The following MITF variants were observed in gnomAD, a reference collection of about 807,000 sequenced individuals.
MITF encodes microphthalmia-associated transcription factor.
MITF carries 17 observed loss-of-function variants against 60.5 expected under a neutral mutation model. The observed-to-expected ratio is 0.28, with a 90% CI of 0.19 to 0.42. The LOEUF is 0.42. Among genes scored for constraint, MITF ranks in the 10% least tolerant of loss-of-function variants. The pLI is 1.00. For synonymous variants in MITF, 260 were observed against 248.5 expected, an observed-to-expected ratio of 1.05 and a Z score of -0.43; for missense variants, 622 against 683.5, an observed-to-expected ratio of 0.91 and a Z score of 1.00.
At chr3:69,745,519 G>A (rs192952389) in intron 1 of MITF, among the ~76,000 whole-genome samples, 4 of 152,304 alleles carry the variant, frequency 2.6e-5, no homozygotes, top group Admixed American at 6.5e-5. Context: ...CCTTAAAGGT[G>A]AAACAATAGT....
chr3:69,823,395 A>G (rs1394887698), intron 1 of MITF, among the ~76,000 whole-genome samples: 3 of 152,134 alleles, frequency 2.0e-5, no homozygotes, highest in African/African-American at 7.2e-5. Flanking sequence ...TTGATTCCTG[A>G]TAAGAAGGTC....
chr3:69,849,879 C>T (rs2063796705), intron 1 of MITF, among the ~76,000 whole-genome samples: 1 of 152,190 alleles, frequency 6.6e-6, no homozygotes, highest in South Asian at 2.1e-4. Flanking sequence ...CTTCTTTACT[C>T]TGGGGTCTCT....
Position 69,897,615 on chromosome 3 carries a change from G to A in MITF, c.354+18232G>A, listed in dbSNP as rs188220486. Among the ~76,000 whole-genome samples the A allele has an allele frequency of 1.9e-3, 289 of 152,182 alleles. 2 individuals are homozygous for A. Among genetic ancestry groups the A allele is most frequent in the Non-Finnish European group, 3.2e-3 (219 of 68,002 alleles). ...TTAAGTAGTACAACAGAGACCTTGC[G>A]CCCACAAAGCTGAAAATAATTATCC... On this transcript the variant is annotated intron_variant, in intron 2 of 9. Transcript: ENST00000352241.
intron 1 of MITF, among the ~76,000 whole-genome samples, chr3:69,794,049 G>C (rs1047587797): frequency 2.0e-5 from 3 of 152,198 alleles, no homozygotes; most frequent in African/African-American, 7.2e-5. Context: ...GCTATATGAA[G>C]TGTATAGGAG....
chr3:69,905,399 C>CT (rs76404472), intron 2 of MITF, among the ~76,000 whole-genome samples: 32 of 147,150 alleles, frequency 2.2e-4, no homozygotes, highest in South Asian at 8.6e-4. Flanking sequence ...TGAGCATTTG[C>CT]TTTTTTTTTT....
chr3:69,811,409 G>A (rs1457317795), intron 1 of MITF, among the ~76,000 whole-genome samples: 1 of 152,166 alleles, frequency 6.6e-6, no homozygotes, highest in East Asian at 1.9e-4. Context: ...CTGCCACAGT[G>A]CATCTCTGTC....
chr3:69,848,957 CTTTTTTTTTT>C (rs55969316), intron 1 of MITF, among the ~76,000 whole-genome samples: 6 of 73,306 alleles, frequency 8.2e-5, no homozygotes, highest in African/African-American at 3.0e-4. Context: ...AAAGATTCTT[CTTTTTTTTTT>C]TTTTTTTTTT....
intron 1 of MITF, among the ~76,000 whole-genome samples, chr3:69,770,333 A>G (rs1192144738): frequency 6.6e-6 from 1 of 152,202 alleles, no homozygotes; most frequent in East Asian, 1.9e-4. Context: ...TGCATTCCAG[A>G]GAATCCTGAA....
chr3:69,942,850 C>A (rs2066001674), intron 5 of MITF, among the ~76,000 whole-genome samples: 1 of 152,078 alleles, frequency 6.6e-6, no homozygotes, highest in South Asian at 2.1e-4. Flanking sequence ...GGTATATTTA[C>A]ATTTCACTGC....
In MITF at chr3:69,939,081, T is replaced by A; in HGVS notation, c.583-17T>A. The A allele has an allele frequency of 6.2e-7, 1 of 1,613,480 alleles. No homozygotes were observed. The highest frequency in any genetic ancestry group is 1.3e-5 in the African/African-American group (1 of 75,052). Reference sequence around the variant, plus strand: ...GCAAATCCAAGTTATAGACTGTTTTTGCTTGTGTTTTTGCAGGGATTTTAT... The same window carrying A: ...GCAAATCCAAGTTATAGACTGTTTTAGCTTGTGTTTTTGCAGGGATTTTAT... On this transcript the variant is annotated splice_polypyrimidine_tract_variant and intron_variant, in intron 3 of 9. Transcript: ENST00000352241.
At chr3:69,953,668 G>T (rs201295840) in intron 7 of MITF, among the ~76,000 whole-genome samples, 1,683 of 140,868 alleles carry the variant, frequency 0.012, 11 homozygotes, top group Middle Eastern at 0.046. Flanking sequence ...TATATAGAGA[G>T]AGAGAGAGAG....
chr3:69,740,204 C>T (rs7643531), intron 1 of MITF, among the ~76,000 whole-genome samples: 2 of 152,034 alleles, frequency 1.3e-5, no homozygotes, highest in Admixed American at 1.3e-4. Flanking sequence ...CTTGGGAGTC[C>T]GGTCTCTGTG....
chr3:69,799,879 G>A, intron 1 of MITF, among the ~76,000 whole-genome samples: 1 of 152,118 alleles, frequency 6.6e-6, no homozygotes, highest in Middle Eastern at 3.2e-3. Flanking sequence ...GTTATAAGGG[G>A]TGAGGAACTA....
intron 3 of MITF, 193 bp downstream of exon 3, chr3:69,938,242 A>T: frequency 8.8e-7 from 1 of 1,141,756 alleles, no homozygotes. Context: ...GGTGTAGAGC[A>T]CATGACGGGA....
intron 1 of MITF, among the ~76,000 whole-genome samples, chr3:69,850,311 A>C (rs1168166830): frequency 2.0e-5 from 3 of 152,204 alleles, no homozygotes; most frequent in Non-Finnish European, 4.4e-5. Flanking sequence ...CTTGGGTTGA[A>C]TTCCTTCTTT....
intron 1 of MITF, among the ~76,000 whole-genome samples, chr3:69,875,258 A>T (rs1230618435): frequency 6.6e-6 from 1 of 152,172 alleles, no homozygotes; most frequent in Non-Finnish European, 1.5e-5. Context: ...ATGCCGATAC[A>T]TGCCAGTAAA....
intron 1 of MITF, among the ~76,000 whole-genome samples, chr3:69,851,476 A>G (rs2063823431): frequency 6.6e-6 from 1 of 152,196 alleles, no homozygotes; most frequent in Non-Finnish European, 1.5e-5. Flanking sequence ...CTAATTAGCG[A>G]TAGAAAGGAA....
In MITF at chr3:69,949,428, C is replaced by CTG. The variant is rs375025194; in HGVS notation, c.880+269_880+270dup. Reference sequence around the variant, plus strand: ...CACCATTACTGCATGTCACCAATCACTGTGTGTGTGGTGAAGGTCCCCTTT... The same window carrying CTG: ...CACCATTACTGCATGTCACCAATCACTGTGTGTGTGTGGTGAAGGTCCCCTTT... On this transcript the variant is annotated intron_variant, in intron 6 of 9. Coordinates refer to ENST00000352241, the MANE Select transcript of MITF (RefSeq NM_001354604.2). Among the ~76,000 whole-genome samples the CTG allele has an allele frequency of 1.5e-3, 229 of 152,098 alleles. 2 individuals carry two copies. Among genetic ancestry groups the CTG allele is most frequent in the African/African-American group, 5.4e-3 (225 of 41,480 alleles).
At position 69,739,708 on chromosome 3, in the gene MITF, G is replaced by A. The variant is rs768841232; in HGVS notation, c.104+7G>A. On this transcript the variant is annotated splice_region_variant and intron_variant, in intron 1 of 9. Coordinates refer to ENST00000352241, the MANE Select transcript of MITF (RefSeq NM_001354604.2). ...GTCAACCGCTGAAGAGCAGGTGAGT[G>A]GTGACAGCTGGGCAGAGGCGCACCG... The A allele has an allele frequency of 1.3e-6, 2 of 1,558,206 alleles. No individual in the cohort carries two copies. The highest frequency in any genetic ancestry group is 2.7e-5 in the African/African-American group (2 of 73,828).
Sources: allele counts gnomAD v4.1 joint callset (sites outside exome capture counted in the v4.1 genomes callset), GRCh38; gene constraint gnomAD v4.1.1; transcripts MANE v1.5; gene names NCBI Gene and HGNC (gene_info 2026-07-23, HGNC 2026-07-21).